Variants in CDH13 observed in about 807,000 individuals in gnomAD.
CDH13 encodes the protein cadherin-13.
Under a neutral mutation model 63.8 loss-of-function variants are expected in CDH13, and 24 were observed. The observed-to-expected ratio is 0.38, with a 90% confidence interval of 0.27 to 0.53. The LOEUF is 0.53. CDH13 is among the 20% of genes least tolerant of loss of function. CDH13 has a pLI of 0.85. For missense variants in CDH13, 1,049 were observed against 903.1 expected (o/e 1.16, Z -2.07); for synonymous variants, 503 against 355.3 (o/e 1.42, Z -4.67).
intron 3 of CDH13, among the ~76,000 whole-genome samples, chr16:83,122,414 A>G (rs143569798): frequency 1.9e-3 from 290 of 152,342 alleles, no homozygotes; most frequent in African/African-American, 6.7e-3. Flanking sequence ...TTTTGAACAC[A>G]TTTAATTAAA....
intron 1 of CDH13, among the ~76,000 whole-genome samples, chr16:82,800,749 C>G (rs574018549): frequency 2.6e-5 from 4 of 152,298 alleles, no homozygotes; most frequent in Non-Finnish European, 5.9e-5. Flanking sequence ...TTACCTAAAG[C>G]TCAAAGGAAT....
chr16:82,944,774 G>A (rs748610485), intron 2 of CDH13, among the ~76,000 whole-genome samples: 1 of 152,136 alleles, frequency 6.6e-6, no homozygotes, highest in Non-Finnish European at 1.5e-5. Context: ...TGATGAGAGA[G>A]AGAAAGAGAG....
At chr16:83,619,582 G>C (rs1040254265) in intron 8 of CDH13, among the ~76,000 whole-genome samples, 2 of 152,230 alleles carry the variant, frequency 1.3e-5, no homozygotes, top group Non-Finnish European at 2.9e-5. Context: ...CACACTTCTG[G>C]TGGCCGCCGG....
chr16:82,777,955 G>A (rs1396432226), intron 1 of CDH13, among the ~76,000 whole-genome samples: 4 of 152,190 alleles, frequency 2.6e-5, no homozygotes, highest in Non-Finnish European at 5.9e-5. Flanking sequence ...AAGCCAGAGG[G>A]CCAAGAAAAC....
At chr16:83,665,811 T>C (rs1255520506) in intron 8 of CDH13, among the ~76,000 whole-genome samples, 1 of 152,234 alleles carries the variant, frequency 6.6e-6, no homozygotes, top group African/African-American at 2.4e-5. Context: ...ATCTTCCATG[T>C]TAATCTAAAG....
intron 1 of CDH13, among the ~76,000 whole-genome samples, chr16:82,815,741 G>T (rs1216079363): frequency 6.6e-6 from 1 of 152,042 alleles, no homozygotes; most frequent in Non-Finnish European, 1.5e-5. Context: ...TCACTTTGTT[G>T]GCCACTGTGT....
chr16:83,768,624 AGG>A (rs34674772), intron 11 of CDH13, among the ~76,000 whole-genome samples: 1 of 152,204 alleles, frequency 6.6e-6, no homozygotes, highest in Non-Finnish European at 1.5e-5. Flanking sequence ...AGCAGCCCCA[AGG>A]GCTGCTGGTT....
At chr16:82,660,935 C>CAAA (rs58394697) in intron 1 of CDH13, among the ~76,000 whole-genome samples, 2 of 143,814 alleles carry the variant, frequency 1.4e-5, no homozygotes, top group Non-Finnish European at 3.0e-5. Context: ...TTTCTTTTAT[C>CAAA]AAAAAAAAAA....
intron 10 of CDH13, among the ~76,000 whole-genome samples, chr16:83,690,869 G>T (rs1904787893): frequency 6.6e-6 from 1 of 152,028 alleles, no homozygotes; most frequent in South Asian, 2.1e-4. Flanking sequence ...TTACAGGCAT[G>T]CACCACCACA....
chr16:83,092,721 G>C (rs4254314), intron 3 of CDH13, among the ~76,000 whole-genome samples: 78,546 of 151,962 alleles, frequency 0.52, 20,572 homozygotes, highest in Middle Eastern at 0.61. Context: ...GTACATCCAG[G>C]TTTTCCCAAA....
intron 3 of CDH13, among the ~76,000 whole-genome samples, chr16:83,048,277 G>A (rs538302977): frequency 2.0e-5 from 3 of 152,130 alleles, no homozygotes; most frequent in Admixed American, 1.3e-4. Context: ...GCATGTATAA[G>A]GATTGACTGA....
intron 3 of CDH13, among the ~76,000 whole-genome samples, chr16:83,121,753 G>T (rs1488183702): frequency 1.3e-5 from 2 of 152,152 alleles, no homozygotes; most frequent in African/African-American, 4.8e-5. Flanking sequence ...GTTTGGATGG[G>T]TTCCTAGCAG....
In CDH13 at chr16:82,704,884, C is replaced by A. The variant is rs182396585; in HGVS notation, c.45+77747C>A. 2.0e-5 allele frequency among the ~76,000 whole-genome samples: 3 copies of A among 152,206 alleles called. No homozygotes were observed. In the East Asian group the frequency reaches 5.8e-4, roughly 29 times the overall value. On this transcript the variant is annotated intron_variant, in intron 1 of 13. Transcript: ENST00000567109. ...ACCATGCTTAGCGTGAGCCATAACACGCAAAAGCAACATAATCAGTATTTG... is the reference window on the plus strand; with the variant it reads ...ACCATGCTTAGCGTGAGCCATAACAAGCAAAAGCAACATAATCAGTATTTG...
chr16:82,755,393 T>A (rs2034574683), intron 1 of CDH13, among the ~76,000 whole-genome samples: 1 of 152,170 alleles, frequency 6.6e-6, no homozygotes, highest in African/African-American at 2.4e-5. Context: ...GCAAGTTGTG[T>A]TTGGGAAGAT....
At chr16:83,473,135 C>T (rs898967593) in intron 6 of CDH13, among the ~76,000 whole-genome samples, 4 of 152,176 alleles carry the variant, frequency 2.6e-5, no homozygotes, top group Non-Finnish European at 4.4e-5. Context: ...GATCCTTCAT[C>T]AAGTTTTATT....
rs1032587915 is a variant in CDH13, at chr16:83,619,117, C to G, written c.1101+16523C>G. Among the ~76,000 whole-genome samples, 4 of 152,236 alleles carry G rather than the reference C, an allele frequency of 2.6e-5. No homozygotes were observed. In the East Asian group the frequency reaches 7.7e-4, roughly 29 times the overall value. ...CACACGTGATAACGTTATGCTGTCG[C>G]TTTCCAAAGTACATTCATTCATTCA... On this transcript the variant is annotated intron_variant, in intron 8 of 13. Coordinates refer to ENST00000567109, the MANE Select transcript of CDH13 (RefSeq NM_001257.5).
chr16:83,487,496 C>T (rs1286526257), intron 7 of CDH13, among the ~76,000 whole-genome samples: 3 of 152,120 alleles, frequency 2.0e-5, no homozygotes, highest in African/African-American at 2.4e-5. Flanking sequence ...GTGCATGGGC[C>T]CCTCTGGTCC....
chr16:82,659,615 A>T lies in CDH13; in HGVS notation c.45+32478A>T, dbSNP rs1025739978. ...TTCTCATAAAGAATCCCCCCAAAAT[A>T]TAATACCACGTCCACAAGAACCCAC... On this transcript the variant is annotated intron_variant, in intron 1 of 13. Transcript: ENST00000567109. Among the ~76,000 whole-genome samples the T allele has an allele frequency of 2.0e-5, 3 of 152,224 alleles. No individual in the cohort carries two copies. The East Asian group carries it at 5.8e-4, about 29-fold the overall frequency.
chr16:83,006,899 ATTTTTT>A (rs796613754), intron 2 of CDH13, among the ~76,000 whole-genome samples: 4 of 120,738 alleles, frequency 3.3e-5, no homozygotes, highest in African/African-American at 1.2e-4. Context: ...CCCAGTTTTG[ATTTTTT>A]TTGTTTGTTT....
Sources: allele counts gnomAD v4.1 joint callset (sites outside exome capture counted in the v4.1 genomes callset), GRCh38; gene constraint gnomAD v4.1.1; transcripts MANE v1.5; gene names NCBI Gene and HGNC (gene_info 2026-07-23, HGNC 2026-07-21).